PRTFDC1: variants seen among roughly 807,000 people sequenced by gnomAD.
The protein encoded by PRTFDC1 is phosphoribosyl transferase domain containing 1, also known as phosphoribosyltransferase domain-containing protein 1.
A neutral mutation model predicts 34.6 loss-of-function variants in PRTFDC1; 38 were observed. That is an observed-to-expected ratio of 1.10 (90% CI 0.85 to 1.44). The LOEUF is 1.44. Among genes scored for constraint, PRTFDC1 ranks in the 40% most tolerant of loss-of-function variants. The probability of loss-of-function intolerance (pLI) is 0.00; values close to 1 mark genes in which losing one functional copy is unlikely to be tolerated. For synonymous variants in PRTFDC1, 93 were observed against 98.1 expected, an observed-to-expected ratio of 0.95 and a Z score of 0.31; for missense variants, 270 against 283.0, an observed-to-expected ratio of 0.95 and a Z score of 0.33.
intron 3 of PRTFDC1, among the ~76,000 whole-genome samples, chr10:24,884,159 T>TA (rs1848127245): frequency 8.7e-6 from 1 of 115,268 alleles, no homozygotes; most frequent in East Asian, 2.3e-4. Context: ...ACACAATTGT[T>TA]TAAAAAAAAA....
chr10:24,926,330 T>C (rs1209334482), intron 3 of PRTFDC1, among the ~76,000 whole-genome samples: 2 of 152,176 alleles, frequency 1.3e-5, no homozygotes, highest in Non-Finnish European at 2.9e-5. Flanking sequence ...CATACACAAG[T>C]GGGCTGATAC....
intron 3 of PRTFDC1, among the ~76,000 whole-genome samples, chr10:24,919,628 C>T (rs2132581080): frequency 6.6e-6 from 1 of 152,240 alleles, no homozygotes; most frequent in Middle Eastern, 3.4e-3. Context: ...CACAAATTGA[C>T]AAATGGGATC....
chr10:24,878,034 A>T (rs2132520677), intron 3 of PRTFDC1, among the ~76,000 whole-genome samples: 1 of 152,012 alleles, frequency 6.6e-6, no homozygotes, highest in Middle Eastern at 3.4e-3. Context: ...TAATCCCAGC[A>T]CTTTGGGAGG....
intron 4 of PRTFDC1, among the ~76,000 whole-genome samples, chr10:24,860,517 C>T (rs16925095): frequency 0.021 from 3,202 of 152,212 alleles, 110 homozygotes; most frequent in African/African-American, 0.073. Context: ...AACTTTGCAC[C>T]GTATATCAAA....
At position 24,855,319 on chromosome 10, in the gene PRTFDC1, G is replaced by A. The variant is rs774956717; in HGVS notation, c.552C>T (p.Asp184=). 3.1e-6 allele frequency: 5 copies of A among 1,613,346 alleles called. No homozygotes were observed. The South Asian group carries it at 5.5e-5, about 18-fold the overall frequency. ...AACAAAAAACTGAAAAACACTTACAGTCAGGTCTAAAGCCGTCACTTCTGG... is the reference window on the plus strand; with the variant it reads ...AACAAAAAACTGAAAAACACTTACAATCAGGTCTAAAGCCGTCACTTCTGG... ...RTSRSDGFRP[D]YAGFEIPNLF... The change falls in exon 7 of 9, where the codon GAC becomes GAT. Residue 184 remains aspartate, a splice_region_variant and synonymous_variant. Transcript: ENST00000320152.
rs151222292 is a variant in PRTFDC1, at chr10:24,873,380, G to A, written c.340-1317C>T. On this transcript the variant is annotated intron_variant, in intron 3 of 8. Transcript: ENST00000320152. ...AAAGGAACCAAAGCCGATACATTCCGGCAGTCTGCTTCATGACCAAGCAAG... is the reference window on the plus strand; with the variant it reads ...AAAGGAACCAAAGCCGATACATTCCAGCAGTCTGCTTCATGACCAAGCAAG... Among the ~76,000 whole-genome samples the A allele has an allele frequency of 4.6e-5, 7 of 152,220 alleles. No homozygotes were observed. In the East Asian group the frequency reaches 5.8e-4, roughly 13 times the overall value.
intron 3 of PRTFDC1, among the ~76,000 whole-genome samples, chr10:24,916,694 C>T (rs1848701414): frequency 6.6e-6 from 1 of 152,170 alleles, no homozygotes; most frequent in South Asian, 2.1e-4. Context: ...CCCACAACCC[C>T]TCCAGCCTAC....
Position 24,939,808 on chromosome 10 carries a change from A to T in PRTFDC1, c.156-2441T>A, listed in dbSNP as rs1312221468. 6.0e-5 allele frequency among the ~76,000 whole-genome samples: 9 copies of T among 151,114 alleles called. No individual in the cohort carries two copies. The East Asian group carries it at 1.2e-3, about 19-fold the overall frequency. The stretch of plus-strand genomic sequence containing the variant: ...GACTCTATCTCAAAAAAAAAAAAAA[A>T]AAAAAAAGAAAAAGAAACTCACTTT... On this transcript the variant is annotated intron_variant, in intron 2 of 8. Transcript: ENST00000320152.
rs181895832 is a variant in PRTFDC1 at position 24,858,240 on chromosome 10, C to T, written c.423+152G>A. 7.3e-4 allele frequency: 518 copies of T among 706,834 alleles called. No individual in the cohort carries two copies. In the African/African-American group the frequency reaches 7.5e-3, roughly 10 times the overall value. The allele number at this position is 706,834 out of a possible 1,614,324, so 43.8% of individuals were successfully genotyped here. On this transcript the variant is annotated intron_variant, in intron 5 of 8. Coordinates refer to ENST00000320152, the MANE Select transcript of PRTFDC1 (RefSeq NM_020200.7). ...ATTCTACATTATTTGAAATCAGGGA[C>T]GCTATCTGGCCCCTATTCATTAAAT...
At chr10:24,936,930 A>G (rs1849059125) in intron 3 of PRTFDC1, among the ~76,000 whole-genome samples, 1 of 152,192 alleles carries the variant, frequency 6.6e-6, no homozygotes, top group African/African-American at 2.4e-5. Context: ...TTATCACCAT[A>G]AAAGAAAGCA....
In PRTFDC1 at chr10:24,849,807, A is replaced by T. The variant is rs770971577; in HGVS notation, c.*37T>A. ...CTTCCCAAGTACAGGCGTAAATATG[A>T]TGCTATCTGGGACTTTAGTGGTGAG... is the stretch of plus-strand genomic sequence containing the variant. On this transcript the variant is annotated 3_prime_UTR_variant, in exon 9 of 9. Transcript: ENST00000320152. 2 of 1,605,308 alleles carry T rather than the reference A, an allele frequency of 1.2e-6. No individual in the cohort carries two copies.
rs190330849 is a variant in PRTFDC1, at chr10:24,899,454, G to A, written c.340-27391C>T. ...CTTGGAGCTCTGTATAACTATTCCC[G>A]GCTATACTGTTTGAGTGGGACCAAA... is the stretch of plus-strand genomic sequence containing the variant. On this transcript the variant is annotated intron_variant, in intron 3 of 8. Transcript: ENST00000320152. 3.1e-3 allele frequency among the ~76,000 whole-genome samples: 473 copies of A among 152,200 alleles called. 3 individuals carry two copies. Among genetic ancestry groups the A allele is most frequent in the African/African-American group, 0.011 (453 of 41,526 alleles).
chr10:24,895,688 G>GATATATATATAT (rs762084915), intron 3 of PRTFDC1, among the ~76,000 whole-genome samples: 12 of 47,410 alleles, frequency 2.5e-4, no homozygotes, highest in South Asian at 1.0e-3. Flanking sequence ...AGCTGGGGTG[G>GATATATATATAT]ATATATATAT....
At chr10:24,933,405 A>G (rs1848997989) in intron 3 of PRTFDC1, among the ~76,000 whole-genome samples, 1 of 152,156 alleles carries the variant, frequency 6.6e-6, no homozygotes, top group Admixed American at 6.5e-5. Flanking sequence ...ATAATAAGAA[A>G]ACAACCCAAT....
intron 2 of PRTFDC1, among the ~76,000 whole-genome samples, chr10:24,941,023 A>G (rs944472052): frequency 2.2e-5 from 3 of 139,390 alleles, no homozygotes; most frequent in African/African-American, 8.8e-5. Context: ...GTGCAGTAGT[A>G]TATAAATTAA....
At chr10:24,933,693 A>ATTTT (rs71399941) in intron 3 of PRTFDC1, among the ~76,000 whole-genome samples, 1 of 136,026 alleles carries the variant, frequency 7.4e-6, no homozygotes, top group African/African-American at 2.6e-5. Context: ...GAGTTTGGCA[A>ATTTT]TTTTTTTTTT....
At chr10:24,886,484 C>T (rs899200481) in intron 3 of PRTFDC1, among the ~76,000 whole-genome samples, 5 of 152,138 alleles carry the variant, frequency 3.3e-5, no homozygotes, top group African/African-American at 7.2e-5. Context: ...CGGCAGCTTC[C>T]GTATTGGCCT....
intron 3 of PRTFDC1, among the ~76,000 whole-genome samples, chr10:24,886,657 G>A (rs1467919590): frequency 6.6e-6 from 1 of 152,138 alleles, no homozygotes; most frequent in Non-Finnish European, 1.5e-5. Flanking sequence ...TGTTGCCCAA[G>A]CTGGAGTGCA....
intron 3 of PRTFDC1, among the ~76,000 whole-genome samples, chr10:24,896,010 T>G (rs1278456194): frequency 6.6e-6 from 1 of 152,122 alleles, no homozygotes; most frequent in African/African-American, 2.4e-5. Context: ...AGCTAACTCT[T>G]TGGCCACATG....
Sources: gnomAD v4.1 joint callset for allele counts (sites outside exome capture counted in the v4.1 genomes callset) on GRCh38, gnomAD v4.1.1 for gene constraint, MANE v1.5 for transcripts, NCBI Gene and HGNC (gene_info 2026-07-23, HGNC 2026-07-21) for gene names.